SSC5D: variants seen among roughly 807,000 people sequenced by gnomAD.
SSC5D encodes the protein scavenger receptor cysteine rich family member with 5 domains, also known as soluble scavenger receptor cysteine-rich domain-containing protein SSC5D.
SSC5D carries 106 observed loss-of-function variants against 104.6 expected under a neutral mutation model. The observed-to-expected ratio is 1.01, with a 90% CI of 0.87 to 1.19. SSC5D has a LOEUF of 1.19. SSC5D is among the 50% of genes most tolerant of loss of function. The pLI is 0.00. For synonymous variants in SSC5D, 860 were observed against 883.5 expected, an observed-to-expected ratio of 0.97 and a Z score of 0.47; for missense variants, 1,993 against 2,153.8, an observed-to-expected ratio of 0.93 and a Z score of 1.48.
In SSC5D at chr19:55,500,355, C is replaced by G. The variant is rs555111923; in HGVS notation, c.2245C>G (p.Pro749Ala). Residue 749 changes from proline to alanine, a missense_variant, in exon 10 of 14, where the codon CCA becomes GCA. Around this residue, in one of 6 missense-constraint regions of SSC5D, gnomAD observed 1,101 missense variants for 1,085.0 expected, o/e 1.01. Coordinates refer to ENST00000389623, the MANE Select transcript of SSC5D (RefSeq NM_001144950.2). The surrounding 1 kb of genome is among the most constrained non-coding windows in gnomAD (Gnocchi z 4.6). Reference sequence around the variant, plus strand: ...ATCTGCTGAGATCCCAGAAGGGTCTCCAGAGTCACCCAAAGACCCGGCCCC... The same window carrying G: ...ATCTGCTGAGATCCCAGAAGGGTCTGCAGAGTCACCCAAAGACCCGGCCCC... ...EPSAEIPEGS[P>A]ESPKDPAPSP... is the part of the protein sequence containing the mutation. 5.2e-6 allele frequency: 8 copies of G among 1,551,448 alleles called. No individual in the cohort carries two copies. In the African/African-American group the frequency reaches 1.1e-4, roughly 21 times the overall value.
chr19:55,512,875 G>C, intron 12 of SSC5D, 136 bp from the exon 13 acceptor site: 1 of 1,061,028 alleles, frequency 9.4e-7, no homozygotes, highest in Non-Finnish European at 1.4e-6. Context: ...TCTCCACGAG[G>C]TCAGGTAGGG....
intron 13 of SSC5D, among the ~76,000 whole-genome samples, chr19:55,514,945 G>A: frequency 6.6e-6 from 1 of 152,160 alleles, no homozygotes; most frequent in Non-Finnish European, 1.5e-5. Flanking sequence ...CATGCAGCTG[G>A]GGTTTAAACT....
rs1348240714 is a variant in SSC5D at position 55,497,892 on chromosome 19, T to C, written c.1400T>C (p.Leu467Pro). 6.5e-7 allele frequency: 1 copy of C among 1,538,986 alleles called. No homozygotes were observed. Among genetic ancestry groups the C allele is most frequent in the Admixed American group, 2.0e-5 (1 of 50,646 alleles). Residue 467 changes from leucine to proline, a missense_variant, in exon 9 of 14, where the codon CTG (leucine) becomes CCG (proline). Around this residue, in one of 6 missense-constraint regions of SSC5D, gnomAD observed 1,101 missense variants for 1,085.0 expected, o/e 1.01. Transcript: ENST00000389623. ...EPGPEAGSPQ[L>P]RLVAGPSKCS... ...TCTTCTACCCCAGGGTCCCCCCAGCTGCGCCTGGTGGCTGGGCCCAGCAAG... is the reference window on the plus strand; with the variant it reads ...TCTTCTACCCCAGGGTCCCCCCAGCCGCGCCTGGTGGCTGGGCCCAGCAAG...
rs1316770598 is a variant in SSC5D, at chr19:55,500,961, G to T, written c.2618-73G>T. ...AGAGTTGCTCCAGAAGATTCCAAAA[G>T]GGGAGGGAAGAGCAGCAGCAAGGAC... is the stretch of plus-strand genomic sequence containing the variant. On this transcript the variant is annotated intron_variant, in intron 11 of 13. Coordinates refer to ENST00000389623, the MANE Select transcript of SSC5D (RefSeq NM_001144950.2). The surrounding 1 kb of genome is among the most constrained non-coding windows in gnomAD (Gnocchi z 4.6). 6 of 1,539,840 alleles carry T rather than the reference G, an allele frequency of 3.9e-6. No homozygotes were observed. The South Asian group carries it at 6.0e-5, about 15-fold the overall frequency.
intron 5 of SSC5D, 97 bp downstream of exon 5, chr19:55,490,505 G>A (rs1987109522): frequency 1.6e-5 from 10 of 611,312 alleles, no homozygotes; most frequent in East Asian, 9.1e-5. Context: ...CTCCTTAGCC[G>A]GGGCCCTGGA....
chr19:55,516,301 T>C (rs973212321), intron 13 of SSC5D, among the ~76,000 whole-genome samples: 1 of 151,904 alleles, frequency 6.6e-6, no homozygotes, highest in African/African-American at 2.4e-5. Context: ...ATCGAGACCA[T>C]CCTGGCCAAC....
chr19:55,516,718 G>A (rs544784159), intron 13 of SSC5D, among the ~76,000 whole-genome samples: 6 of 152,188 alleles, frequency 3.9e-5, no homozygotes, highest in East Asian at 1.9e-4. Flanking sequence ...ACTCCAGCTT[G>A]GGCGACACAG....
In SSC5D at chr19:55,500,051, A is replaced by G; in HGVS notation, c.1941A>G (p.Pro647=). ...KRPTTQPPVM[P]TTKHSRAQSP... Reference sequence around the variant, plus strand: ...CAACCACTCAACCCCCAGTGATGCCAACCACGAAACACTCCAGGGCCCAAA... The same window carrying G: ...CAACCACTCAACCCCCAGTGATGCCGACCACGAAACACTCCAGGGCCCAAA... Residue 647 remains proline (P), a synonymous_variant, in exon 10 of 14, where the codon CCA becomes CCG. Coordinates refer to ENST00000389623, the MANE Select transcript of SSC5D (RefSeq NM_001144950.2). This position sits in a 1 kb window ranked among gnomAD's most constrained non-coding sequence, Gnocchi z 4.6. The G allele has an allele frequency of 6.4e-7, 1 of 1,551,738 alleles. No individual in the cohort carries two copies. The highest frequency in any genetic ancestry group is 1.2e-5 in the South Asian group (1 of 84,042).
chr19:55,495,239 T>TATATATATATATATATATAA (rs1987293774), intron 8 of SSC5D, among the ~76,000 whole-genome samples: 1 of 33,332 alleles, frequency 3.0e-5, no homozygotes, highest in African/African-American at 1.2e-4. Context: ...ATATATTTTT[T>TATATATATATATATATATAA]TTTTTTTTTT....
At chr19:55,513,732 G>A (rs1391692821) in intron 13 of SSC5D, among the ~76,000 whole-genome samples, 2 of 152,138 alleles carry the variant, frequency 1.3e-5, no homozygotes, top group Non-Finnish European at 2.9e-5. Context: ...GGTAGAGGCC[G>A]GGGTGGTGAT....
chr19:55,490,172 C>A (rs1240012372), intron 4 of SSC5D, 126 bp from the exon 5 acceptor site: 21 of 614,390 alleles, frequency 3.4e-5, no homozygotes, highest in Non-Finnish European at 5.9e-5. Context: ...CCTGCCCCGC[C>A]CCGTCTCCTT....
In SSC5D at chr19:55,500,735, G is replaced by C. The variant is rs888118455; in HGVS notation, c.2548G>C (p.Asp850His). The part of the protein sequence containing the change: ...GCKGSEASLS[D>H]CPSGAWGKHN... ...TAAGGGAAGCGAGGCCTCACTGAGC[G>C]ACTGCCCCTCGGGGGCTTGGGGGAA... Residue 850 changes from aspartate to histidine, a missense_variant, in exon 11 of 14, where the codon GAC becomes CAC. By Grantham distance (81) the Asp-to-His change is moderately conservative. Around this residue, in one of 6 missense-constraint regions of SSC5D, gnomAD observed 423 missense variants for 409.2 expected, o/e 1.03. Transcript: ENST00000389623. This position sits in a 1 kb window ranked among gnomAD's most constrained non-coding sequence, Gnocchi z 4.6. 1 of 1,551,688 alleles carries C rather than the reference G, an allele frequency of 6.4e-7. No individual in the cohort carries two copies. The highest frequency in any genetic ancestry group is 2.4e-5 in the East Asian group (1 of 40,910).
Position 55,518,555 on chromosome 19 carries a change from A to T in SSC5D, c.4279A>T (p.Thr1427Ser). 1 of 1,539,538 alleles carries T rather than the reference A, an allele frequency of 6.5e-7. No homozygotes were observed. The change falls in exon 14 of 14, where the codon ACC becomes TCC. Residue 1427 changes from threonine (T) to serine (S), a missense_variant. This residue lies in a region of SSC5D where 349 missense variants were observed against 397.6 expected (regional missense o/e 0.88). Transcript: ENST00000389623. Reference protein sequence around the residue: ...SPNLTPPPTHTPHSASDLTVS... With the variant: ...SPNLTPPPTHSPHSASDLTVS... ...CAACCTAACCCCTCCACCCACCCAT[A>T]CCCCACACTCAGCCTCTGACCTTAC...
At chr19:55,494,529 A>G (rs976511024) in intron 7 of SSC5D, 81 bp from the exon 8 acceptor site, 11 of 1,392,228 alleles carry the variant, frequency 7.9e-6, no homozygotes, top group South Asian at 7.4e-5. Flanking sequence ...GGACTGAGGA[A>G]GGATGACGCA....
Position 55,501,203 on chromosome 19 carries a change from T to A in SSC5D, c.2785+2T>A, listed in dbSNP as rs773657703. 1 of 1,514,750 alleles carries A rather than the reference T, an allele frequency of 6.6e-7. No homozygotes were observed. Among genetic ancestry groups the A allele is most frequent in the Non-Finnish European group, 8.8e-7 (1 of 1,132,354 alleles). 93.8% of individuals were successfully genotyped at this position (1,514,750 alleles called of 1,614,324 possible). A position where few individuals can be genotyped will look rare whatever the true frequency, so the allele number is the denominator to read the frequency against. ...CAATAAGGCGCCTGCCGGACACAGG[T>A]GAGAGGCCTGATTGGGGTGGCCATG... On this transcript the variant is annotated splice_donor_variant, in intron 12 of 13. Coordinates refer to ENST00000389623, the MANE Select transcript of SSC5D (RefSeq NM_001144950.2). LOFTEE classifies it high-confidence loss of function.
intron 7 of SSC5D, 97 bp from the exon 8 acceptor site, chr19:55,494,513 C>A: frequency 3.0e-6 from 4 of 1,322,422 alleles, no homozygotes; most frequent in Non-Finnish European, 4.0e-6. Flanking sequence ...CTGCGTGCAG[C>A]TGAGAGGACT....
Position 55,500,891 on chromosome 19 carries a change from C to A in SSC5D, c.2617+87C>A. 1 of 1,496,940 alleles carries A rather than the reference C, an allele frequency of 6.7e-7. No homozygotes were observed. The highest frequency in any genetic ancestry group is 1.3e-5 in the South Asian group (1 of 76,464). The allele number at this position is 1,496,940 out of a possible 1,614,324, so 92.7% of individuals were successfully genotyped here. A position where few individuals can be genotyped will look rare whatever the true frequency, so the allele number is the denominator to read the frequency against. ...TGGGGCCAGGTGACGGCACCATGGT[C>A]GACTCTAAAGAACTGGGTATGAGGG... On this transcript the variant is annotated intron_variant, in intron 11 of 13. Coordinates refer to ENST00000389623, the MANE Select transcript of SSC5D (RefSeq NM_001144950.2). The surrounding 1 kb of genome is among the most constrained non-coding windows in gnomAD (Gnocchi z 4.6).
rs117623868 is a variant in SSC5D, at chr19:55,490,485, C to T, written c.586+77C>T. On this transcript the variant is annotated intron_variant, in intron 5 of 13. Transcript: ENST00000389623. ...AGGGCCCAGAAAAACTGAGGACCTG[C>T]GGGCGCCCTCTCCTTAGCCGGGGCC... 3.1e-3 allele frequency: 1,923 copies of T among 623,256 alleles called. 9 individuals are homozygous for T. Among genetic ancestry groups the T allele is most frequent in the Non-Finnish European group, 4.5e-3 (1,606 of 355,722 alleles). The allele number at this position is 623,256 out of a possible 1,614,324, so 38.6% of individuals were successfully genotyped here.
intron 12 of SSC5D, among the ~76,000 whole-genome samples, chr19:55,512,466 A>T (rs2547080): frequency 0.99 from 147,311 of 148,276 alleles, 73,213 homozygotes; most frequent in Non-Finnish European, 1. Context: ...AGCCTTGAGG[A>T]ATTAAAATAA....
Sources: gnomAD v4.1 joint callset for allele counts (sites outside exome capture counted in the v4.1 genomes callset) on GRCh38, gnomAD v4.1.1 for gene constraint, gnomAD v4.1.1 regional missense constraint, Gnocchi (gnomAD v3.1) non-coding constraint, MANE v1.5 for transcripts, NCBI Gene and HGNC (gene_info 2026-07-23, HGNC 2026-07-21) for gene names.